EFHD2: variants seen among roughly 807,000 people sequenced by gnomAD.
The protein encoded by EFHD2 is EF-hand domain-containing protein D2.
Under a neutral mutation model 20.3 loss-of-function variants are expected in EFHD2, and 12 were observed. The ratio of observed to expected loss-of-function variants is 0.59; its 90% confidence interval spans 0.38 to 0.96. EFHD2 has a LOEUF of 0.96. EFHD2 is among the 40% of genes least tolerant of loss of function. The pLI, the probability that EFHD2 is intolerant of heterozygous loss-of-function variation, is 0.00. For synonymous variants in EFHD2, 131 were observed against 143.9 expected, an observed-to-expected ratio of 0.91 and a Z score of 0.64; for missense variants, 250 against 334.3, an observed-to-expected ratio of 0.75 and a Z score of 1.97.
intron 3 of EFHD2, among the ~76,000 whole-genome samples, chr1:15,427,489 G>A (rs1707892439): frequency 6.6e-6 from 1 of 152,234 alleles, no homozygotes; most frequent in East Asian, 1.9e-4. Flanking sequence ...CCGCCAAGGG[G>A]GTGGGTGAGG....
At chr1:15,422,539 T>TG (rs927384238) in intron 1 of EFHD2, among the ~76,000 whole-genome samples, 6 of 151,604 alleles carry the variant, frequency 4.0e-5, no homozygotes, top group African/African-American at 1.5e-4. Context: ...AGATGTCTCC[T>TG]GGGGGGCACA....
At position 15,429,179 on chromosome 1, in the gene EFHD2, C is replaced by T. The variant is rs918879464; in HGVS notation, c.*455C>T. 29 of 189,766 alleles carry T rather than the reference C, an allele frequency of 1.5e-4. No individual in the cohort carries two copies. Among genetic ancestry groups the T allele is most frequent in the African/African-American group, 5.5e-4 (23 of 42,092 alleles). 11.8% of individuals were successfully genotyped at this position (189,766 alleles called of 1,614,324 possible). A position where few individuals can be genotyped will look rare whatever the true frequency, so the allele number is the denominator to read the frequency against. Reference sequence around the variant, plus strand: ...GCCAGCCCCTTCCCAGGCTGGGAGACGGCAGAAGAGATAGAATCAGGGCTG... The same window carrying T: ...GCCAGCCCCTTCCCAGGCTGGGAGATGGCAGAAGAGATAGAATCAGGGCTG... On this transcript the variant is annotated 3_prime_UTR_variant, in exon 4 of 4. Coordinates refer to ENST00000375980, the MANE Select transcript of EFHD2 (RefSeq NM_024329.6).
Position 15,429,101 on chromosome 1 carries a change from A to C in EFHD2, c.*377A>C. On this transcript the variant is annotated 3_prime_UTR_variant, in exon 4 of 4. Coordinates refer to ENST00000375980, the MANE Select transcript of EFHD2 (RefSeq NM_024329.6). ...CCCTCCACACATCCCTGTCCCCCCAACCCGGGAACCCCTGCCCTCCTCCAG... is the reference window on the plus strand; with the variant it reads ...CCCTCCACACATCCCTGTCCCCCCACCCCGGGAACCCCTGCCCTCCTCCAG... 1.4e-5 allele frequency: 3 copies of C among 214,840 alleles called. No homozygotes were observed. The highest frequency in any genetic ancestry group is 6.1e-5 in the South Asian group (1 of 16,472). 13.3% of individuals were successfully genotyped at this position (214,840 alleles called of 1,614,324 possible).
chr1:15,412,211 A>T (rs981062688), intron 1 of EFHD2, among the ~76,000 whole-genome samples: 2 of 151,660 alleles, frequency 1.3e-5, no homozygotes, highest in African/African-American at 4.8e-5. Flanking sequence ...TGGAAGAGTA[A>T]CGTGAATGCT....
chr1:15,418,454 C>A (rs372742769), intron 1 of EFHD2, among the ~76,000 whole-genome samples: 1 of 151,400 alleles, frequency 6.6e-6, no homozygotes, highest in African/African-American at 2.4e-5. Flanking sequence ...TACAGGCGCC[C>A]ACCATCACGC....
At chr1:15,419,180 C>T (rs959679963) in intron 1 of EFHD2, among the ~76,000 whole-genome samples, 2 of 152,194 alleles carry the variant, frequency 1.3e-5, no homozygotes, top group Non-Finnish European at 2.9e-5. Context: ...GGACCATGCT[C>T]ACCCCAAAGG....
At position 15,413,338 on chromosome 1, in the gene EFHD2, C is replaced by G. The variant is rs1472080383; in HGVS notation, c.308+3059C>G. ...GGAGCGAGGAACCTGGGCTTCCATC[C>G]TAGTCTGCTTGTCCTCCCTGGGCCT... On this transcript the variant is annotated intron_variant, in intron 1 of 3. Coordinates refer to ENST00000375980, the MANE Select transcript of EFHD2 (RefSeq NM_024329.6). The surrounding 1 kb of genome is among the most constrained non-coding windows in gnomAD (Gnocchi z 4.4). 6.6e-6 allele frequency among the ~76,000 whole-genome samples: 1 copy of G among 152,162 alleles called. No individual in the cohort carries two copies. The highest frequency in any genetic ancestry group is 6.5e-5 in the Admixed American group (1 of 15,280).
Position 15,425,882 on chromosome 1 carries a change from G to A in EFHD2, c.320G>A (p.Gly107Glu), listed in dbSNP as rs1321590912. The A allele has an allele frequency of 6.2e-7, 1 of 1,607,212 alleles. No homozygotes were observed. The highest frequency in any genetic ancestry group is 2.3e-5 in the East Asian group (1 of 44,182). ...TTTTGCATCTGCAGGTATGATGCCG[G>A]GCGGGACGGCTTCATCGACCTGATG... ...MEKMFKQYDA[G>E]RDGFIDLMEL... The change falls in exon 2 of 4, where the codon GGG becomes GAG. Residue 107 changes from glycine (G) to glutamate (E), a missense_variant. By Grantham distance (98) the Gly-to-Glu change is moderately conservative (BLOSUM62 -2). Around this residue, in one of 3 missense-constraint regions of EFHD2, gnomAD observed 143 missense variants for 190.6 expected, o/e 0.75. Transcript: ENST00000375980.
chr1:15,423,627 A>G lies in EFHD2; in HGVS notation c.309-2244A>G, dbSNP rs374127778. 3.0e-4 allele frequency among the ~76,000 whole-genome samples: 45 copies of G among 152,268 alleles called. 1 individual carries two copies. The South Asian group carries it at 4.8e-3, about 16-fold the overall frequency. On this transcript the variant is annotated intron_variant, in intron 1 of 3. Coordinates refer to ENST00000375980, the MANE Select transcript of EFHD2 (RefSeq NM_024329.6). ...GGTCATAAAATAAGGTTATTAGGAAAATTAAGTAAAGTAAGCAGTTCCCAG... is the reference window on the plus strand; with the variant it reads ...GGTCATAAAATAAGGTTATTAGGAAGATTAAGTAAAGTAAGCAGTTCCCAG...
At chr1:15,424,378 A>G (rs1347719090) in intron 1 of EFHD2, among the ~76,000 whole-genome samples, 1 of 152,072 alleles carries the variant, frequency 6.6e-6, no homozygotes, top group African/African-American at 2.4e-5. Flanking sequence ...GTGCCTTCCC[A>G]GCCAGGCAAC....
At chr1:15,427,311 C>A (rs764466718) in intron 3 of EFHD2, 27 bp downstream of exon 3, 16 of 1,593,710 alleles carry the variant, frequency 1.0e-5, no homozygotes, top group Non-Finnish European at 1.4e-5. Context: ...GTGCCCTGAC[C>A]CACGCTCCAG....
chr1:15,423,068 C>G (rs72881554), intron 1 of EFHD2, among the ~76,000 whole-genome samples: 5,672 of 152,210 alleles, frequency 0.037, 359 homozygotes, highest in African/African-American at 0.13. Flanking sequence ...CCTGCACAGC[C>G]CCACGGTCAT....
intron 1 of EFHD2, among the ~76,000 whole-genome samples, chr1:15,419,207 G>A (rs1225773919): frequency 1.3e-5 from 2 of 152,198 alleles, no homozygotes; most frequent in Non-Finnish European, 2.9e-5. Flanking sequence ...GTCGTCCTTG[G>A]GGGGTAACTG....
intron 1 of EFHD2, among the ~76,000 whole-genome samples, chr1:15,415,809 C>T (rs1297943445): frequency 6.6e-6 from 1 of 152,026 alleles, no homozygotes; most frequent in Non-Finnish European, 1.5e-5. Flanking sequence ...CATTTTTATC[C>T]CCATTTGACA....
Position 15,426,067 on chromosome 1 carries a change from G to T in EFHD2, c.456+49G>T. 1 of 1,516,072 alleles carries T rather than the reference G, an allele frequency of 6.6e-7. No homozygotes were observed. The highest frequency in any genetic ancestry group is 8.8e-7 in the Non-Finnish European group (1 of 1,135,362). The allele number at this position is 1,516,072 out of a possible 1,614,324, so 93.9% of individuals were successfully genotyped here. On this transcript the variant is annotated intron_variant, in intron 2 of 3. Coordinates refer to ENST00000375980, the MANE Select transcript of EFHD2 (RefSeq NM_024329.6). The surrounding 1 kb of genome is among the most constrained non-coding windows in gnomAD (Gnocchi z 4.6). ...TCCCCTACCAGGGGCTTCACCTGAGGACCTGGTGGCCCGGGAGAGACCAAC... is the reference window on the plus strand; with the variant it reads ...TCCCCTACCAGGGGCTTCACCTGAGTACCTGGTGGCCCGGGAGAGACCAAC...
At chr1:15,423,072 C>T (rs1707820439) in intron 1 of EFHD2, among the ~76,000 whole-genome samples, 3 of 152,138 alleles carry the variant, frequency 2.0e-5, no homozygotes, top group Admixed American at 1.3e-4. Context: ...CACAGCCCCA[C>T]GGTCATGTGG....
chr1:15,417,514 C>G (rs1707693167), intron 1 of EFHD2, among the ~76,000 whole-genome samples: 1 of 152,128 alleles, frequency 6.6e-6, no homozygotes, highest in Non-Finnish European at 1.5e-5. Context: ...TCTTTATCCT[C>G]CGTGGGGGAG....
In EFHD2 at chr1:15,429,399, A is replaced by C. The variant is rs2103282554; in HGVS notation, c.*675A>C. 6.5e-6 allele frequency: 1 copy of C among 152,930 alleles called. No homozygotes were observed. The highest frequency in any genetic ancestry group is 1.5e-5 in the Non-Finnish European group (1 of 68,186). 9.5% of individuals were successfully genotyped at this position (152,930 alleles called of 1,614,324 possible). The stretch of plus-strand genomic sequence containing the variant: ...AACCCCAGATCTCTGGGGCCCAGCC[A>C]GGCAGGGTGTGGGGGCAGCTGTGCC... On this transcript the variant is annotated 3_prime_UTR_variant, in exon 4 of 4. Transcript: ENST00000375980.
At chr1:15,418,982 G>A (rs142412790) in intron 1 of EFHD2, among the ~76,000 whole-genome samples, 35 of 152,378 alleles carry the variant, frequency 2.3e-4, no homozygotes, top group East Asian at 5.8e-4. Context: ...ACCTGGCATC[G>A]TGCCTGGCAC....
Sources: gnomAD v4.1 joint callset for allele counts (sites outside exome capture counted in the v4.1 genomes callset) on GRCh38, gnomAD v4.1.1 for gene constraint, gnomAD v4.1.1 regional missense constraint, Gnocchi (gnomAD v3.1) non-coding constraint, MANE v1.5 for transcripts, NCBI Gene and HGNC (gene_info 2026-07-23, HGNC 2026-07-21) for gene names.